ROBO2: variants seen among roughly 807,000 people sequenced by gnomAD.
ROBO2 encodes the protein roundabout homolog 2.
ROBO2 carries 53 observed loss-of-function variants against 160.8 expected under a neutral mutation model. The observed-to-expected ratio is 0.33, with a 90% CI of 0.26 to 0.41. The LOEUF (loss-of-function observed/expected upper bound fraction) is 0.41. Ranked by LOEUF, ROBO2 falls within the 10% of genes least tolerant of loss-of-function variation. ROBO2 has a pLI of 1.00. For synonymous variants in ROBO2, 664 were observed against 611.7 expected (o/e 1.09, Z -1.26); for missense variants, 1,577 against 1,722.4 (o/e 0.92, Z 1.49).
chr3:77,262,080 AT>A, intron 2 of ROBO2, among the ~76,000 whole-genome samples: 1 of 152,178 alleles, frequency 6.6e-6, no homozygotes. Flanking sequence ...AAATTTGTAC[AT>A]TCTATTTCTG....
intron 2 of ROBO2, among the ~76,000 whole-genome samples, chr3:77,177,672 G>C (rs2080287466): frequency 6.6e-6 from 1 of 151,882 alleles, no homozygotes; most frequent in African/African-American, 2.4e-5. Context: ...ATTGGATATG[G>C]AGAGCCAACT....
At chr3:77,184,781 A>G (rs529537764) in intron 2 of ROBO2, among the ~76,000 whole-genome samples, 3 of 152,046 alleles carry the variant, frequency 2.0e-5, no homozygotes, top group African/African-American at 4.8e-5. Flanking sequence ...GTTTCTGAGT[A>G]TGGGTTTCAC....
chr3:76,746,712 C>T (rs1454142870), intron 2 of ROBO2, among the ~76,000 whole-genome samples: 8 of 152,184 alleles, frequency 5.3e-5, no homozygotes, highest in Admixed American at 1.3e-4. Context: ...CACAGGTAAA[C>T]GTGTGCCACG....
At chr3:75,918,185 T>C (rs1441400281) in intron 1 of ROBO2, among the ~76,000 whole-genome samples, 1 of 152,238 alleles carries the variant, frequency 6.6e-6, no homozygotes, top group Non-Finnish European at 1.5e-5. Flanking sequence ...TTTATGTTTT[T>C]AATCCACTTT....
intron 2 of ROBO2, among the ~76,000 whole-genome samples, chr3:76,527,549 T>C (rs752919868): frequency 6.6e-6 from 1 of 152,166 alleles, no homozygotes; most frequent in Non-Finnish European, 1.5e-5. Flanking sequence ...ATTATTTGGC[T>C]TGATTAACTC....
chr3:77,126,763 A>C, intron 2 of ROBO2, among the ~76,000 whole-genome samples: 1 of 134,020 alleles, frequency 7.5e-6, no homozygotes, highest in Non-Finnish European at 1.6e-5. Context: ...TATTTCATGT[A>C]TATTTGATTT....
chr3:77,350,111 T>A (rs557796850), intron 2 of ROBO2, among the ~76,000 whole-genome samples: 1,640 of 150,690 alleles, frequency 0.011, 16 homozygotes, highest in Middle Eastern at 0.018. Flanking sequence ...ATATATATAA[T>A]ATATATATAT....
chr3:77,532,472 A>G (rs930926350), intron 6 of ROBO2, among the ~76,000 whole-genome samples: 7 of 151,880 alleles, frequency 4.6e-5, no homozygotes, highest in East Asian at 1.9e-4. Flanking sequence ...AACTTGCTTT[A>G]TTTCAATAAC....
chr3:77,331,385 C>T (rs957112104), intron 2 of ROBO2, among the ~76,000 whole-genome samples: 7 of 152,058 alleles, frequency 4.6e-5, no homozygotes, highest in African/African-American at 2.4e-5. Flanking sequence ...TTGTTGATGA[C>T]ATTTTGAGGA....
intron 24 of ROBO2, 132 bp downstream of exon 25, chr3:77,635,175 T>C (rs2095242768): frequency 2.2e-6 from 2 of 897,200 alleles, no homozygotes; most frequent in Non-Finnish European, 3.5e-6. Context: ...CCTGGCAATA[T>C]GGCCTTGTTT....
At chr3:76,273,931 A>G (rs1707761870) in intron 2 of ROBO2, among the ~76,000 whole-genome samples, 1 of 152,166 alleles carries the variant, frequency 6.6e-6, no homozygotes, top group Admixed American at 6.6e-5. Flanking sequence ...GCATTTGTCA[A>G]GGGTCTTCTT....
intron 2 of ROBO2, among the ~76,000 whole-genome samples, chr3:77,212,544 T>G (rs1435948460): frequency 6.6e-6 from 1 of 152,168 alleles, no homozygotes; most frequent in East Asian, 1.9e-4. Context: ...GATTTCCTCT[T>G]TTCCTAATCA....
At chr3:76,178,268 A>G (rs1269329522) in intron 2 of ROBO2, among the ~76,000 whole-genome samples, 1 of 152,164 alleles carries the variant, frequency 6.6e-6, no homozygotes, top group African/African-American at 2.4e-5. Context: ...TCAAGTCCGT[A>G]TTTCTCACCA....
intron 14 of ROBO2, 99 bp from the exon 16 acceptor site, chr3:77,577,391 G>C: frequency 6.6e-7 from 1 of 1,505,926 alleles, no homozygotes. Flanking sequence ...CTGGAAGCCA[G>C]AGTCTCCTGC....
chr3:76,719,798 C>T (rs1274187260), intron 2 of ROBO2, among the ~76,000 whole-genome samples: 3 of 150,856 alleles, frequency 2.0e-5, no homozygotes, highest in Admixed American at 2.0e-4. Context: ...GCACGAGAAT[C>T]GCTTGAACCT....
At chr3:77,299,262 G>C (rs1398519797) in intron 2 of ROBO2, among the ~76,000 whole-genome samples, 2 of 152,150 alleles carry the variant, frequency 1.3e-5, no homozygotes, top group African/African-American at 4.8e-5. Context: ...GAATGGAATA[G>C]ATAGGTGTGG....
chr3:76,872,777 A>G (rs2072251923), intron 2 of ROBO2, among the ~76,000 whole-genome samples: 1 of 151,882 alleles, frequency 6.6e-6, no homozygotes, highest in African/African-American at 2.4e-5. Context: ...AAATAAATAT[A>G]TTTATTATTA....
chr3:77,474,143 C>T (rs867184869), intron 2 of ROBO2, among the ~76,000 whole-genome samples: 1 of 152,084 alleles, frequency 6.6e-6, no homozygotes, highest in Non-Finnish European at 1.5e-5. Flanking sequence ...AACCATCGTC[C>T]CCTTGTGAGC....
At chr3:76,281,638 TAA>T (rs5850245) in intron 2 of ROBO2, among the ~76,000 whole-genome samples, 26 of 151,016 alleles carry the variant, frequency 1.7e-4, no homozygotes, top group Middle Eastern at 6.9e-3. Flanking sequence ...TGCTGGGAAA[TAA>T]AAAAAAAAAT....
Sources: allele counts gnomAD v4.1 joint callset (sites outside exome capture counted in the v4.1 genomes callset), GRCh38; gene constraint gnomAD v4.1.1; transcripts MANE v1.5; gene names NCBI Gene and HGNC (gene_info 2026-07-23, HGNC 2026-07-21).